WBP1L: variants seen among roughly 807,000 people sequenced by gnomAD.
WBP1L encodes the protein WW domain binding protein 1-like.
A neutral mutation model predicts 33.7 loss-of-function variants in WBP1L; 17 were observed. That is an observed-to-expected ratio of 0.50 (90% confidence interval 0.34 to 0.76). The LOEUF is 0.76. Ranked by LOEUF, WBP1L falls within the 30% of genes least tolerant of loss-of-function variation. WBP1L has a pLI of 0.01. For missense variants in WBP1L, 389 were observed against 469.4 expected, an observed-to-expected ratio of 0.83 and a Z score of 1.58; for synonymous variants, 173 against 190.8, an observed-to-expected ratio of 0.91 and a Z score of 0.77.
intron 1 of WBP1L, among the ~76,000 whole-genome samples, chr10:102,757,058 T>G (rs1484006057): frequency 6.6e-6 from 1 of 152,068 alleles, no homozygotes; most frequent in East Asian, 1.9e-4. Flanking sequence ...TAGCTAATTT[T>G]TTTGTGTTTT....
intron 1 of WBP1L, among the ~76,000 whole-genome samples, chr10:102,745,825 G>GT (rs1199070829): frequency 6.6e-6 from 1 of 152,132 alleles, no homozygotes. Flanking sequence ...TTTAGCCTTT[G>GT]TTGGGGTTGT....
rs1843931055 is a variant in WBP1L at position 102,815,736 on chromosome 10, T to C, written c.*2405T>C. 1 of 152,246 alleles carries C rather than the reference T, an allele frequency of 6.6e-6. No homozygotes were observed. Among genetic ancestry groups the C allele is most frequent in the African/African-American group, 2.4e-5 (1 of 41,458 alleles). 9.4% of individuals were successfully genotyped at this position (152,246 alleles called of 1,614,324 possible). Reference sequence around the variant, plus strand: ...AAGTTTTACCAAAATGAATCCTTTTTCAGTTAACAGATCAAATGGATGAGT... The same window carrying C: ...AAGTTTTACCAAAATGAATCCTTTTCCAGTTAACAGATCAAATGGATGAGT... On this transcript the variant is annotated 3_prime_UTR_variant, in exon 4 of 4. Coordinates refer to ENST00000448841, the MANE Select transcript of WBP1L (RefSeq NM_001083913.2).
chr10:102,782,238 T>TTTTTTTG (rs1554875481), intron 1 of WBP1L, among the ~76,000 whole-genome samples: 2 of 147,518 alleles, frequency 1.4e-5, no homozygotes, highest in African/African-American at 2.5e-5. Context: ...TTTTTTTTTT[T>TTTTTTTG]GAGGAACGTG....
Position 102,768,371 on chromosome 10 carries a change from GTTTTTTTTT to G in WBP1L, c.90+24245_90+24253del, listed in dbSNP as rs1192088947. On this transcript the variant is annotated intron_variant, in intron 1 of 3. Transcript: ENST00000448841. ...CCATTGCGCCTGGCATTAGTTTTTT[GTTTTTTTTT>G]TTTTTTTTTTTTTTTTGAGACGGAG... is the stretch of plus-strand genomic sequence containing the variant. Among the ~76,000 whole-genome samples, 50 of 12,228 alleles carry G rather than the reference GTTTTTTTTT, an allele frequency of 4.1e-3. 4 individuals carry two copies. Among genetic ancestry groups the G allele is most frequent in the African/African-American group, 0.024 (44 of 1,852 alleles). The allele number at this position is 12,228 out of a possible 152,430, so 8.0% of individuals were successfully genotyped here. A position where few individuals can be genotyped will look rare whatever the true frequency, so the allele number is the denominator to read the frequency against.
At chr10:102,763,338 C>G (rs1358397014) in intron 1 of WBP1L, among the ~76,000 whole-genome samples, 3 of 151,822 alleles carry the variant, frequency 2.0e-5, no homozygotes, top group African/African-American at 7.3e-5. Flanking sequence ...GCAGACTCAA[C>G]TGTGTGACTG....
At chr10:102,790,561 A>T (rs975075199) in intron 1 of WBP1L, among the ~76,000 whole-genome samples, 1 of 152,004 alleles carries the variant, frequency 6.6e-6, no homozygotes, top group African/African-American at 2.4e-5. Flanking sequence ...CCCAGGCTGG[A>T]GTACAATGGT....
chr10:102,766,461 AAG>A, intron 1 of WBP1L, among the ~76,000 whole-genome samples: 1 of 150,028 alleles, frequency 6.7e-6, no homozygotes, highest in Admixed American at 6.7e-5. Context: ...AAAAAAAAAA[AAG>A]GAAAAAAAAT....
intron 2 of WBP1L, among the ~76,000 whole-genome samples, chr10:102,802,775 C>T (rs1016251147): frequency 6.6e-6 from 1 of 152,156 alleles, no homozygotes; most frequent in Non-Finnish European, 1.5e-5. Flanking sequence ...GGATTACAGG[C>T]ATGAGCCACC....
intron 1 of WBP1L, among the ~76,000 whole-genome samples, chr10:102,754,445 C>A (rs911842663): frequency 5.3e-5 from 8 of 152,194 alleles, no homozygotes; most frequent in Admixed American, 2.6e-4. Context: ...GTTGCCCAAG[C>A]TGGAGTGCAG....
chr10:102,755,546 T>C (rs1189667429), intron 1 of WBP1L, among the ~76,000 whole-genome samples: 4 of 151,492 alleles, frequency 2.6e-5, no homozygotes, highest in Non-Finnish European at 4.4e-5. Flanking sequence ...CACACACTAC[T>C]ATGCCTGGCT....
At chr10:102,757,887 C>CCTT (rs1491483676) in intron 1 of WBP1L, among the ~76,000 whole-genome samples, 25 of 25,356 alleles carry the variant, frequency 9.9e-4, no homozygotes, top group African/African-American at 2.9e-3. Context: ...CCCCCCCCCC[C>CCTT]TTTTTTTTTT....
intron 1 of WBP1L, among the ~76,000 whole-genome samples, chr10:102,760,622 G>T (rs1843026765): frequency 1.3e-5 from 2 of 151,970 alleles, no homozygotes; most frequent in Non-Finnish European, 2.9e-5. Context: ...GTGATCGCCT[G>T]CCTCAGCCTC....
chr10:102,782,214 C>CTTTTTTTTT (rs397961661), intron 1 of WBP1L, among the ~76,000 whole-genome samples: 1 of 49,154 alleles, frequency 2.0e-5, no homozygotes, highest in Non-Finnish European at 3.3e-5. Context: ...AAAGAAGCTG[C>CTTTTTTTTT]TTTTTTTTTT....
chr10:102,746,618 T>G (rs201550513), intron 1 of WBP1L, among the ~76,000 whole-genome samples: 2 of 106,638 alleles, frequency 1.9e-5, no homozygotes, highest in African/African-American at 7.0e-5. Flanking sequence ...TTGGGGGGGG[T>G]GGGGGAAGGG....
chr10:102,809,084 T>TGTTTG, intron 2 of WBP1L, among the ~76,000 whole-genome samples: 1 of 151,926 alleles, frequency 6.6e-6, no homozygotes, highest in East Asian at 1.9e-4. Flanking sequence ...CATTCTGTTT[T>TGTTTG]GTTTTGTTTT....
chr10:102,799,331 A>G (rs1412661943), intron 2 of WBP1L, among the ~76,000 whole-genome samples: 1 of 152,156 alleles, frequency 6.6e-6, no homozygotes, highest in Non-Finnish European at 1.5e-5. Context: ...ATCTAAAAAA[A>G]AAAAAAGAAA....
At chr10:102,755,282 G>A (rs1490097513) in intron 1 of WBP1L, among the ~76,000 whole-genome samples, 1 of 151,906 alleles carries the variant, frequency 6.6e-6, no homozygotes, top group Non-Finnish European at 1.5e-5. Flanking sequence ...GTCTTGCTAT[G>A]TTGCCCAGGT....
intron 1 of WBP1L, among the ~76,000 whole-genome samples, chr10:102,751,211 A>G (rs537882314): frequency 3.9e-5 from 6 of 152,272 alleles, no homozygotes; most frequent in Admixed American, 3.9e-4. Flanking sequence ...CATGTTGGCC[A>G]GGCTGTTCTC....
At chr10:102,783,284 G>C (rs901957550) in intron 1 of WBP1L, among the ~76,000 whole-genome samples, 2 of 152,152 alleles carry the variant, frequency 1.3e-5, no homozygotes, top group Non-Finnish European at 2.9e-5. Context: ...GTTCATTCTC[G>C]CACTGGTCAT....
Sources: gnomAD v4.1 joint callset for allele counts (sites outside exome capture counted in the v4.1 genomes callset) on GRCh38, gnomAD v4.1.1 for gene constraint, MANE v1.5 for transcripts, NCBI Gene and HGNC (gene_info 2026-07-23, HGNC 2026-07-21) for gene names.